Variants in TG observed in about 807,000 individuals in gnomAD.
TG encodes the protein thyroglobulin, also known as thyroid hormones.
In TG, 270 loss-of-function variants were observed where a neutral mutation model predicts 324.7. That is an observed-to-expected ratio of 0.83 (90% CI 0.75 to 0.92). The LOEUF is 0.92. Ranked by LOEUF, TG falls within the 40% of genes least tolerant of loss-of-function variation. TG has a pLI of 0.00. For synonymous variants in TG, 1,401 were observed against 1,327.0 expected, an observed-to-expected ratio of 1.06 and a Z score of -1.21; for missense variants, 3,591 against 3,456.4, an observed-to-expected ratio of 1.04 and a Z score of -0.98.
At chr8:133,011,293 G>A (rs1484111304) in intron 35 of TG, among the ~76,000 whole-genome samples, 1 of 152,158 alleles carries the variant, frequency 6.6e-6, no homozygotes, top group Non-Finnish European at 1.5e-5. Flanking sequence ...CCATGGGGAA[G>A]GGGAGGCAGT....
rs139023900 is a variant in TG at position 133,060,209 on chromosome 8, T to C, written c.7239+30186T>C. On this transcript the variant is annotated intron_variant, in intron 41 of 47. Transcript: ENST00000220616. ...CTGGTGATGCCCAGAGCCTGTGGTA[T>C]AGGAGACAGACGGGGAAAGTCAACC... is the stretch of plus-strand genomic sequence containing the variant. 2.8e-4 allele frequency: 444 copies of C among 1,613,422 alleles called. No homozygotes were observed. The African/African-American group carries it at 5.2e-3, about 19-fold the overall frequency.
chr8:132,867,104 G>C, intron 1 of TG, 37 bp downstream of exon 1: 1 of 1,563,114 alleles, frequency 6.4e-7, no homozygotes, highest in Non-Finnish European at 8.7e-7. Context: ...CGGTGGGGAG[G>C]GAGCTCCAGT....
intron 23 of TG, 134 bp downstream of exon 23, chr8:132,929,326 G>A: frequency 1.4e-6 from 1 of 723,932 alleles, no homozygotes; most frequent in Non-Finnish European, 2.4e-6. Flanking sequence ...CACTATAAAT[G>A]AATTGATTTC....
chr8:132,922,854 A>C (rs1292970149), intron 21 of TG, among the ~76,000 whole-genome samples: 1 of 152,150 alleles, frequency 6.6e-6, no homozygotes, highest in African/African-American at 2.4e-5. Context: ...TCCCAAAGGC[A>C]CCACCTGCTA....
At chr8:133,028,840 T>C (rs1836353512) in intron 40 of TG, among the ~76,000 whole-genome samples, 1 of 152,152 alleles carries the variant, frequency 6.6e-6, no homozygotes, top group Admixed American at 6.5e-5. Context: ...TATTTGGGAA[T>C]ATGGGGTCTC....
At chr8:132,879,956 A>G (rs1393230048) in intron 5 of TG, among the ~76,000 whole-genome samples, 1 of 152,236 alleles carries the variant, frequency 6.6e-6, no homozygotes, top group Non-Finnish European at 1.5e-5. Context: ...AACTAGAGTG[A>G]TTTAAACGAT....
At chr8:133,063,973 G>T (rs747780893) in intron 41 of TG, 1 of 152,212 alleles carries the variant, frequency 6.6e-6, no homozygotes, top group Non-Finnish European at 1.5e-5. Context: ...AGACATAATT[G>T]CTTCTAAGAA....
chr8:133,078,510 T>C (rs1188287751), intron 41 of TG, among the ~76,000 whole-genome samples: 2 of 152,214 alleles, frequency 1.3e-5, no homozygotes, highest in African/African-American at 4.8e-5. Flanking sequence ...TTCTAATCCA[T>C]CAAGAAGTCT....
chr8:132,929,787 A>C (rs978218833), intron 23 of TG, among the ~76,000 whole-genome samples: 5 of 152,194 alleles, frequency 3.3e-5, no homozygotes, highest in Non-Finnish European at 7.4e-5. Flanking sequence ...TATACAATTC[A>C]TCCATGTAAC....
rs956490754 is a variant in TG at position 132,971,415 on chromosome 8, T to C, written c.5976-379T>C. 2.0e-5 allele frequency among the ~76,000 whole-genome samples: 3 copies of C among 152,162 alleles called. No individual in the cohort carries two copies. In the East Asian group the frequency reaches 5.8e-4, roughly 29 times the overall value. ...CTCTTTCTAGAAATGCCTTCCCTGT[T>C]ATTTCTTTATTTTCCCAGTGTCCAA... On this transcript the variant is annotated intron_variant, in intron 32 of 47. Transcript: ENST00000220616.
At chr8:132,987,365 A>ATATGTGTATGTG (rs142160158) in intron 35 of TG, among the ~76,000 whole-genome samples, 3 of 151,900 alleles carry the variant, frequency 2.0e-5, no homozygotes, top group Non-Finnish European at 4.4e-5. Flanking sequence ...GGATGTGTCT[A>ATATGTGTATGTG]TATGTGTATG....
chr8:133,085,850 C>T (rs1202718462), intron 41 of TG, among the ~76,000 whole-genome samples: 1 of 152,130 alleles, frequency 6.6e-6, no homozygotes, highest in Non-Finnish European at 1.5e-5. Context: ...TTCATGTGAC[C>T]TAGCAATTCC....
intron 41 of TG, among the ~76,000 whole-genome samples, chr8:133,055,365 G>GCGCA: frequency 1.6e-5 from 1 of 62,276 alleles, no homozygotes; most frequent in South Asian, 4.1e-4. Context: ...ACGCACGCGC[G>GCGCA]CACACACACA....
chr8:133,019,647 A>C lies in TG; in HGVS notation c.6828A>C (p.Gly2276=). The change falls in exon 39 of 48, where the codon GGA becomes GGC. Residue 2276 remains glycine (G), a synonymous_variant. Transcript: ENST00000220616. ...GCACCAGAACATCCACGTCTCCTGG[A>C]GTCAGTGAAGATTGTTTGTATCTCA... ...QPGTRTSTSP[G]VSEDCLYLNV... is the part of the protein sequence containing the mutation. 6.2e-7 allele frequency: 1 copy of C among 1,613,856 alleles called. No homozygotes were observed. The highest frequency in any genetic ancestry group is 8.5e-7 in the Non-Finnish European group (1 of 1,179,830).
At chr8:133,100,734 T>C (rs1049857433) in intron 43 of TG, among the ~76,000 whole-genome samples, 2 of 152,198 alleles carry the variant, frequency 1.3e-5, no homozygotes, top group Non-Finnish European at 2.9e-5. Context: ...GTATGCTGGG[T>C]ACTGAAATGT....
intron 41 of TG, among the ~76,000 whole-genome samples, chr8:133,088,648 C>A: frequency 6.6e-6 from 1 of 152,204 alleles, no homozygotes; most frequent in Middle Eastern, 3.2e-3. Context: ...AACACACACG[C>A]ACTTTTTATA....
chr8:133,101,548 C>G (rs1849255110), intron 43 of TG, among the ~76,000 whole-genome samples: 2 of 151,824 alleles, frequency 1.3e-5, no homozygotes, highest in Admixed American at 1.3e-4. Flanking sequence ...CCTGCCCCAT[C>G]TGGGGCTGAG....
intron 41 of TG, among the ~76,000 whole-genome samples, chr8:133,042,986 G>A (rs1420361917): frequency 6.6e-6 from 1 of 151,036 alleles, no homozygotes; most frequent in African/African-American, 2.4e-5. Context: ...GACCCACCAT[G>A]CCTGGCCCAT....
chr8:132,971,345 C>G (rs1829495487), intron 32 of TG, among the ~76,000 whole-genome samples: 1 of 152,220 alleles, frequency 6.6e-6, no homozygotes, highest in African/African-American at 2.4e-5. Flanking sequence ...GCTGCTTACA[C>G]AGGCCCTTGG....
Sources: allele counts gnomAD v4.1 joint callset (sites outside exome capture counted in the v4.1 genomes callset), GRCh38; gene constraint gnomAD v4.1.1; transcripts MANE v1.5; gene names NCBI Gene and HGNC (gene_info 2026-07-23, HGNC 2026-07-21).